Variants in ABCB1 observed in about 807,000 individuals in gnomAD.
ABCB1 encodes the protein ATP binding cassette subfamily B member 1, also known as ATP-dependent translocase ABCB1.
Under a neutral mutation model 142.0 loss-of-function variants are expected in ABCB1, and 69 were observed. The observed-to-expected ratio is 0.49, with a 90% CI of 0.40 to 0.59. The LOEUF (loss-of-function observed/expected upper bound fraction) is 0.59, where lower values mean the gene tolerates loss of function less well. ABCB1 is among the 20% of genes least tolerant of loss of function. ABCB1 has a pLI of 0.00. For missense variants in ABCB1, 1,326 were observed against 1,554.7 expected (o/e 0.85, Z 2.47); for synonymous variants, 532 against 539.2 (o/e 0.99, Z 0.18).
chr7:87,677,134 T>C (rs1302077663), intron 1 of ABCB1, among the ~76,000 whole-genome samples: 1 of 152,124 alleles, frequency 6.6e-6, no homozygotes, highest in African/African-American at 2.4e-5. Flanking sequence ...GGGTTATTTA[T>C]TGAAAGAAGA....
intron 1 of ABCB1, among the ~76,000 whole-genome samples, chr7:87,621,498 T>C (rs1388321572): frequency 6.6e-5 from 10 of 152,104 alleles, no homozygotes; most frequent in Middle Eastern, 3.2e-3. Context: ...GATAACTCTA[T>C]AAATATCAAA....
rs201132140 is a variant in ABCB1, at chr7:87,550,161, G to A, written c.1350+10C>T. 5.9e-5 allele frequency: 95 copies of A among 1,614,044 alleles called. No individual in the cohort carries two copies. Among genetic ancestry groups the A allele is most frequent in the Non-Finnish European group, 7.1e-5 (84 of 1,180,048 alleles). ...TCACCGCAGGGTCTAGCTCGCATGG[G>A]TCATCTCACCATCCCCTCTGTGGGG... On this transcript the variant is annotated intron_variant, in intron 12 of 27. Transcript: ENST00000622132.
chr7:87,604,733 T>C (rs4148732), upstream of ABCB1, among the ~76,000 whole-genome samples: 17,123 of 152,136 alleles, frequency 0.11, 1,242 homozygotes, highest in Admixed American at 0.22. Context: ...GAAATGGTGA[T>C]CAGATGATGA....
chr7:87,545,987 CGAT>C lies in ABCB1; in HGVS notation c.1760_1762del (p.His587del). 1 of 1,614,074 alleles carries C rather than the reference CGAT, an allele frequency of 6.2e-7. No individual in the cohort carries two copies. The highest frequency in any genetic ancestry group is 1.1e-5 in the South Asian group (1 of 91,078). On this transcript the variant is annotated inframe_deletion, in exon 15 of 28. Transcript: ENST00000622132. ...GTCAGCATTACGAACTGTAGACAAACGATGAGCTATCACAATGGTGGTCCGACC... is the reference window on the plus strand; with the variant it reads ...GTCAGCATTACGAACTGTAGACAAACGAGCTATCACAATGGTGGTCCGACC...
chr7:87,600,424 C>G (rs558671580), intron 1 of ABCB1, among the ~76,000 whole-genome samples: 5 of 152,206 alleles, frequency 3.3e-5, no homozygotes, highest in Admixed American at 2.0e-4. Flanking sequence ...GGACTTTGCC[C>G]GCCGCCAGTG....
chr7:87,540,815 T>C (rs1429946162), intron 18 of ABCB1, among the ~76,000 whole-genome samples: 1 of 152,234 alleles, frequency 6.6e-6, no homozygotes, highest in African/African-American at 2.4e-5. Flanking sequence ...ATTTGCAAGC[T>C]GTAAAAATCT....
intron 21 of ABCB1, chr7:87,522,036 G>C (rs1277063528): frequency 1.0e-6 from 1 of 971,474 alleles, no homozygotes; most frequent in East Asian, 2.4e-5. Context: ...GCTTCATCCA[G>C]CCAAAGAGGC....
intron 25 of ABCB1, 103 bp downstream of exon 25, chr7:87,515,128 G>A (rs1815172078): frequency 1.4e-6 from 2 of 1,423,562 alleles, no homozygotes; most frequent in South Asian, 1.2e-5. Flanking sequence ...TGGGACTGTT[G>A]TTTAAAGGTT....
chr7:87,685,313 A>G (rs1447812588), intron 1 of ABCB1, among the ~76,000 whole-genome samples: 1 of 152,236 alleles, frequency 6.6e-6, no homozygotes, highest in Non-Finnish European at 1.5e-5. Flanking sequence ...AGATACACAT[A>G]TGGCAAGTAA....
At chr7:87,607,613 G>A (rs895673561) in intron 1 of ABCB1, among the ~76,000 whole-genome samples, 2 of 151,798 alleles carry the variant, frequency 1.3e-5, no homozygotes, top group East Asian at 1.9e-4. Context: ...GCACAGTGGC[G>A]CAATCACAGC....
intron 1 of ABCB1, among the ~76,000 whole-genome samples, chr7:87,622,918 T>G (rs1387935314): frequency 6.6e-6 from 1 of 152,138 alleles, no homozygotes; most frequent in Non-Finnish European, 1.5e-5. Context: ...GGTGCATGCC[T>G]GTAGTCCCAG....
At position 87,679,992 on chromosome 7, in the gene ABCB1, C is replaced by T. The variant is rs775203073; in HGVS notation, c.-331+33169G>A. ...GCTGCACCCATCAACCTGTCACCTA[C>T]ATTAGGTATTTCTCCTAATGTTATC... On this transcript the variant is annotated intron_variant, in intron 1 of 28. Coordinates refer to the ABCB1 transcript ENST00000265724. Among the ~76,000 whole-genome samples, 10 of 150,644 alleles carry T rather than the reference C, an allele frequency of 6.6e-5. 2 individuals are homozygous for T. The highest frequency in any genetic ancestry group is 4.6e-4 in the Admixed American group (7 of 15,090).
intron 4 of ABCB1, among the ~76,000 whole-genome samples, chr7:87,579,110 A>G (rs1438188690): frequency 2.6e-5 from 4 of 152,168 alleles, no homozygotes; most frequent in Non-Finnish European, 5.9e-5. Context: ...TATCACTCCT[A>G]ATAGTTATTT....
intron 20 of ABCB1, 108 bp downstream of exon 20, chr7:87,536,350 A>G: frequency 3.1e-6 from 3 of 974,874 alleles, no homozygotes; most frequent in Non-Finnish European, 4.9e-6. Flanking sequence ...ATATTTATTC[A>G]ACATTTTCTT....
chr7:87,689,042 A>G (rs1489372404), intron 1 of ABCB1, among the ~76,000 whole-genome samples: 1 of 152,040 alleles, frequency 6.6e-6, no homozygotes, highest in Non-Finnish European at 1.5e-5. Context: ...TTTTACATGA[A>G]CATCACTTTC....
chr7:87,582,692 C>T (rs575359429), intron 4 of ABCB1, among the ~76,000 whole-genome samples: 4 of 152,320 alleles, frequency 2.6e-5, no homozygotes, highest in Admixed American at 2.6e-4. Context: ...CAGCCATAGG[C>T]TGCTTACATT....
intron 27 of ABCB1, 73 bp downstream of exon 27, chr7:87,505,824 C>T: frequency 6.4e-7 from 1 of 1,573,660 alleles, no homozygotes; most frequent in Non-Finnish European, 8.7e-7. Context: ...GCATTTTGTT[C>T]TTTACTATGG....
At chr7:87,524,888 T>A (rs920066968) in intron 21 of ABCB1, among the ~76,000 whole-genome samples, 1 of 152,212 alleles carries the variant, frequency 6.6e-6, no homozygotes, top group Non-Finnish European at 1.5e-5. Context: ...GATTTTACTG[T>A]ATATTTCAGT....
intron 15 of ABCB1, 124 bp from the exon 16 acceptor site, chr7:87,545,123 G>C: frequency 1.2e-6 from 1 of 836,240 alleles, no homozygotes; most frequent in Non-Finnish European, 1.9e-6. Context: ...AAAGGATAAA[G>C]CTAATCTGCT....
Sources: gnomAD v4.1 joint callset for allele counts (sites outside exome capture counted in the v4.1 genomes callset) on GRCh38, gnomAD v4.1.1 for gene constraint, MANE v1.5 for transcripts, NCBI Gene and HGNC (gene_info 2026-07-23, HGNC 2026-07-21) for gene names.